The following DEPDC1B variants were observed in gnomAD, a reference collection of about 807,000 sequenced individuals.
DEPDC1B encodes the protein DEP domain-containing protein 1B.
A neutral mutation model predicts 66.5 loss-of-function variants in DEPDC1B; 51 were observed. That is an observed-to-expected ratio of 0.77 (90% CI 0.61 to 0.97). The LOEUF is 0.97. Among genes scored for constraint, DEPDC1B ranks in the 50% least tolerant of loss-of-function variants. DEPDC1B has a pLI of 0.00. For synonymous variants in DEPDC1B, 226 were observed against 223.6 expected (o/e 1.01, Z -0.10); for missense variants, 552 against 637.1 (o/e 0.87, Z 1.44).
intron 2 of DEPDC1B, among the ~76,000 whole-genome samples, chr5:60,660,501 G>A (rs2111940740): frequency 6.6e-6 from 1 of 152,254 alleles, no homozygotes; most frequent in Non-Finnish European, 1.5e-5. Context: ...AAAGGACTGA[G>A]GCCACTGACA....
intron 1 of DEPDC1B, among the ~76,000 whole-genome samples, chr5:60,696,294 A>G (rs1754654197): frequency 1.3e-5 from 2 of 152,218 alleles, no homozygotes; most frequent in South Asian, 4.1e-4. Context: ...GTCTAATAAA[A>G]CATCTTTATC....
At chr5:60,645,709 A>G in intron 3 of DEPDC1B, 90 bp from the exon 4 acceptor site, 1 of 1,339,532 alleles carries the variant, frequency 7.5e-7, no homozygotes, top group Non-Finnish European at 1.0e-6. Context: ...TGGGATTTTT[A>G]TGAGAAATGT....
In DEPDC1B at chr5:60,667,703, G is replaced by A. The variant is rs1038376997; in HGVS notation, c.314+19259C>T. Among the ~76,000 whole-genome samples, 139 of 116,914 alleles carry A rather than the reference G, an allele frequency of 1.2e-3. 1 individual carries two copies. The highest frequency in any genetic ancestry group is 1.9e-3 in the Non-Finnish European group (109 of 58,072). The allele number at this position is 116,914 out of a possible 152,430, so 76.7% of individuals were successfully genotyped here. On this transcript the variant is annotated intron_variant, in intron 2 of 10. Transcript: ENST00000265036. ...CATGTATATAATGGATATTTTACATGTATATAAAATGGATATTTTACATAT... is the reference window on the plus strand; with the variant it reads ...CATGTATATAATGGATATTTTACATATATATAAAATGGATATTTTACATAT...
intron 7 of DEPDC1B, among the ~76,000 whole-genome samples, chr5:60,615,795 T>C (rs1340783356): frequency 6.6e-6 from 1 of 152,212 alleles, no homozygotes; most frequent in African/African-American, 2.4e-5. Flanking sequence ...AAGAGAGTAG[T>C]GGTTCTCCCA....
At chr5:60,600,044 T>C (rs1309405229) in intron 9 of DEPDC1B, among the ~76,000 whole-genome samples, 2 of 152,158 alleles carry the variant, frequency 1.3e-5, no homozygotes, top group Non-Finnish European at 2.9e-5. Context: ...ATTAAACACA[T>C]TGACTAAAAT....
chr5:60,670,990 A>C (rs113679984), intron 2 of DEPDC1B, among the ~76,000 whole-genome samples: 2,291 of 152,266 alleles, frequency 0.015, 18 homozygotes, highest in Non-Finnish European at 0.021. Flanking sequence ...CTTCCTGGAG[A>C]TCTACATGGC....
chr5:60,625,554 T>G (rs1365264835), intron 7 of DEPDC1B, among the ~76,000 whole-genome samples: 1 of 152,184 alleles, frequency 6.6e-6, no homozygotes, highest in African/African-American at 2.4e-5. Flanking sequence ...ATAAGTACTT[T>G]CAAGTATTCT....
At chr5:60,679,009 G>T (rs976089991) in intron 2 of DEPDC1B, among the ~76,000 whole-genome samples, 1 of 152,114 alleles carries the variant, frequency 6.6e-6, no homozygotes, top group Non-Finnish European at 1.5e-5. Context: ...TTTTCTAAAA[G>T]TTCTGTAGTT....
At chr5:60,672,131 G>A (rs1754055590) in intron 2 of DEPDC1B, among the ~76,000 whole-genome samples, 2 of 152,174 alleles carry the variant, frequency 1.3e-5, no homozygotes, top group South Asian at 4.1e-4. Flanking sequence ...CCTGGGTCTG[G>A]TGGATACAGA....
chr5:60,596,972 A>T lies in DEPDC1B; in HGVS notation c.*781T>A, dbSNP rs1328294956. ...CACTTACTTTCAAAAGGATGAAAAT[A>T]TATTTATAAAGGAAGTAGTCTCATT... On this transcript the variant is annotated 3_prime_UTR_variant, in exon 11 of 11. Coordinates refer to ENST00000265036, the MANE Select transcript of DEPDC1B (RefSeq NM_018369.3). The T allele has an allele frequency of 2.0e-5, 3 of 152,752 alleles. No individual in the cohort carries two copies. The East Asian group carries it at 5.8e-4, about 29-fold the overall frequency. The allele number at this position is 152,752 out of a possible 1,614,324, so 9.5% of individuals were successfully genotyped here.
At chr5:60,686,913 C>T (rs748966852) in intron 2 of DEPDC1B, 49 bp downstream of exon 2, 1 of 1,599,416 alleles carries the variant, frequency 6.3e-7, no homozygotes. Context: ...GGACCAGATT[C>T]ACTCATCTCC....
intron 7 of DEPDC1B, among the ~76,000 whole-genome samples, chr5:60,613,404 G>A (rs1013505036): frequency 1.3e-5 from 2 of 152,158 alleles, no homozygotes; most frequent in Admixed American, 1.3e-4. Flanking sequence ...TTCAACGAAG[G>A]TTTGAAAAGA....
At chr5:60,610,378 C>T (rs1481743751) in intron 7 of DEPDC1B, among the ~76,000 whole-genome samples, 1 of 152,180 alleles carries the variant, frequency 6.6e-6, no homozygotes, top group South Asian at 2.1e-4. Flanking sequence ...ATCATAGCTA[C>T]TACTATCTTA....
intron 5 of DEPDC1B, among the ~76,000 whole-genome samples, chr5:60,643,722 T>C (rs546310254): frequency 6.6e-6 from 1 of 152,356 alleles, no homozygotes; most frequent in African/African-American, 2.4e-5. Context: ...AAGGCTGCAC[T>C]CTTCCCTTCA....
intron 1 of DEPDC1B, among the ~76,000 whole-genome samples, chr5:60,699,443 G>GGAAAAAAAAAAAAAA (rs1754727709): frequency 6.7e-5 from 6 of 89,380 alleles, no homozygotes; most frequent in African/African-American, 2.8e-4. Flanking sequence ...TTTTCTCCCA[G>GGAAAAAAAAAAAAAA]AAAAAAAAAA....
At chr5:60,664,078 T>G (rs551548578) in intron 2 of DEPDC1B, among the ~76,000 whole-genome samples, 1 of 152,338 alleles carries the variant, frequency 6.6e-6, no homozygotes, top group Admixed American at 6.5e-5. Context: ...TTTAGTAGAA[T>G]GGACACCTGA....
chr5:60,672,728 CAG>C (rs1246006581), intron 2 of DEPDC1B, among the ~76,000 whole-genome samples: 2 of 152,162 alleles, frequency 1.3e-5, no homozygotes, highest in African/African-American at 4.8e-5. Flanking sequence ...CACAGAGATT[CAG>C]AGAGTGTCAG....
At chr5:60,640,197 C>T (rs1584054751) in intron 6 of DEPDC1B, among the ~76,000 whole-genome samples, 1 of 152,132 alleles carries the variant, frequency 6.6e-6, no homozygotes, top group African/African-American at 2.4e-5. Flanking sequence ...AAGGTAGCTG[C>T]CATTTTGCTT....
At chr5:60,613,702 G>A (rs3857236) in intron 7 of DEPDC1B, among the ~76,000 whole-genome samples, 69,888 of 151,686 alleles carry the variant, frequency 0.46, 17,364 homozygotes, top group East Asian at 0.57. Flanking sequence ...CAATGTCACA[G>A]AAACACACAG....
Sources: allele counts gnomAD v4.1 joint callset (sites outside exome capture counted in the v4.1 genomes callset), GRCh38; gene constraint gnomAD v4.1.1; transcripts MANE v1.5; gene names NCBI Gene and HGNC (gene_info 2026-07-23, HGNC 2026-07-21).